The following CLIC5 variants were observed in gnomAD, a reference collection of about 807,000 sequenced individuals.
CLIC5 encodes chloride intracellular channel protein 5.
A neutral mutation model predicts 24.7 loss-of-function variants in CLIC5; 20 were observed. That is an observed-to-expected ratio of 0.81 (90% confidence interval 0.57 to 1.18). CLIC5 has a LOEUF of 1.18. CLIC5 is among the 50% of genes most tolerant of loss of function. The probability of loss-of-function intolerance (pLI) is 0.00; values close to 1 mark genes in which losing one functional copy is unlikely to be tolerated. For missense variants in CLIC5, 341 were observed against 326.1 expected (o/e 1.05, Z -0.35); for synonymous variants, 159 against 135.6 (o/e 1.17, Z -1.20).
intron 1 of CLIC5, among the ~76,000 whole-genome samples, chr6:46,078,399 A>G (rs1762828786): frequency 6.6e-6 from 1 of 152,094 alleles, no homozygotes. Flanking sequence ...ACAGTGTGAC[A>G]GTGATGATGT....
At chr6:46,051,061 C>A (rs1379793158) in intron 1 of CLIC5, among the ~76,000 whole-genome samples, 1 of 152,152 alleles carries the variant, frequency 6.6e-6, no homozygotes, top group East Asian at 1.9e-4. Flanking sequence ...CTGCCTTAGT[C>A]ATCAACAGTG....
At chr6:46,012,485 T>C (rs1186932900) in intron 1 of CLIC5, among the ~76,000 whole-genome samples, 3 of 152,352 alleles carry the variant, frequency 2.0e-5, no homozygotes, top group African/African-American at 7.2e-5. Flanking sequence ...TCGGAGTACA[T>C]AGCAGAAATG....
intron 4 of CLIC5, among the ~76,000 whole-genome samples, chr6:45,927,016 GCAA>G (rs999154481): frequency 6.6e-6 from 1 of 152,170 alleles, no homozygotes; most frequent in African/African-American, 2.4e-5. Flanking sequence ...AGGGGAGTCT[GCAA>G]CATGGGGACA....
chr6:46,059,295 C>T (rs770021329), intron 1 of CLIC5, among the ~76,000 whole-genome samples: 88 of 152,308 alleles, frequency 5.8e-4, no homozygotes, highest in Admixed American at 1.4e-3. Flanking sequence ...GGCCACATTG[C>T]ATACGGTTGT....
chr6:45,932,529 G>A (rs1763776867), intron 4 of CLIC5, among the ~76,000 whole-genome samples: 1 of 152,206 alleles, frequency 6.6e-6, no homozygotes, highest in Non-Finnish European at 1.5e-5. Flanking sequence ...AAAAGGGAGC[G>A]AAGGGAAGGA....
At chr6:46,129,276 C>T in the CLIC5 span, among the ~76,000 whole-genome samples, 1 of 152,204 alleles carries the variant, frequency 6.6e-6, no homozygotes, top group Non-Finnish European at 1.5e-5. Flanking sequence ...GCCAAGTGTG[C>T]CTGGACAACC....
intron 1 of CLIC5, among the ~76,000 whole-genome samples, chr6:46,005,781 T>G (rs1766530832): frequency 6.6e-6 from 1 of 151,718 alleles, no homozygotes; most frequent in Non-Finnish European, 1.5e-5. Context: ...GTTATCCTCC[T>G]CCACAATGTG....
At chr6:46,109,513 T>TAAAAA in the CLIC5 span, among the ~76,000 whole-genome samples, 14 of 47,180 alleles carry the variant, frequency 3.0e-4, 1 homozygote, top group African/African-American at 7.0e-4. Context: ...CAGTCTCCAC[T>TAAAAA]AAAAAAAAAA....
At chr6:46,056,616 A>G (rs1768262840) in intron 1 of CLIC5, among the ~76,000 whole-genome samples, 1 of 152,158 alleles carries the variant, frequency 6.6e-6, no homozygotes, top group African/African-American at 2.4e-5. Context: ...GAGAACTTAC[A>G]CTACAGAAAT....
rs114559175 is a variant in CLIC5 at position 46,049,730 on chromosome 6, A to G, written c.540+29973T>C. The stretch of plus-strand genomic sequence containing the variant: ...CAAAAACAGATATGTCATATAGACT[A>G]CAATTTTCACTTCTTTGCCATCAGC... On this transcript the variant is annotated intron_variant, in intron 1 of 5. Transcript: ENST00000185206. Among the ~76,000 whole-genome samples, 920 of 152,344 alleles carry G rather than the reference A, an allele frequency of 6.0e-3. 7 individuals are homozygous for G. Among genetic ancestry groups the G allele is most frequent in the South Asian group, 0.02 (95 of 4,828 alleles).
At chr6:45,967,574 C>T (rs1765057746) in intron 1 of CLIC5, among the ~76,000 whole-genome samples, 1 of 152,132 alleles carries the variant, frequency 6.6e-6, no homozygotes, top group African/African-American at 2.4e-5. Context: ...CTGGATTGAA[C>T]AATGCAGGTG....
rs150890872 is a variant in CLIC5, at chr6:46,056,840, C to T, written c.540+22863G>A. On this transcript the variant is annotated intron_variant, in intron 1 of 5. Transcript: ENST00000185206. ...TTGTTTCTCTTTTAAACTTCATACT[C>T]ATATGCCTTCCTGCCTACTGCACAA... Among the ~76,000 whole-genome samples, 496 of 152,300 alleles carry T rather than the reference C, an allele frequency of 3.3e-3. 2 individuals are homozygous for T. Among genetic ancestry groups the T allele is most frequent in the African/African-American group, 0.011 (472 of 41,554 alleles).
At chr6:45,923,117 G>C (rs1240552492) in intron 4 of CLIC5, among the ~76,000 whole-genome samples, 1 of 152,206 alleles carries the variant, frequency 6.6e-6, no homozygotes, top group Non-Finnish European at 1.5e-5. Context: ...CGTGCTAATA[G>C]AAAGTACGGC....
chr6:45,994,640 T>C (rs146206595), intron 1 of CLIC5, among the ~76,000 whole-genome samples: 10 of 152,186 alleles, frequency 6.6e-5, no homozygotes, highest in African/African-American at 2.4e-4. Context: ...AATAAAAAAT[T>C]GGGCATGTAT....
chr6:46,126,825 C>T, the CLIC5 span, among the ~76,000 whole-genome samples: 29 of 152,144 alleles, frequency 1.9e-4, no homozygotes, highest in African/African-American at 6.0e-4. Context: ...TGCTCTGAAA[C>T]CTTCTTCCTG....
At chr6:45,979,275 A>G (rs371622922) in intron 1 of CLIC5, among the ~76,000 whole-genome samples, 2 of 152,276 alleles carry the variant, frequency 1.3e-5, no homozygotes, top group East Asian at 3.9e-4. Flanking sequence ...AGTTCAGGGG[A>G]AGGGGCATTT....
chr6:46,066,014 AT>A (rs1401031450), intron 1 of CLIC5, among the ~76,000 whole-genome samples: 1 of 152,216 alleles, frequency 6.6e-6, no homozygotes, highest in Non-Finnish European at 1.5e-5. Context: ...AGAATTCCAA[AT>A]ATACGAACTT....
intron 1 of CLIC5, among the ~76,000 whole-genome samples, chr6:45,974,115 A>G (rs1314689960): frequency 3.9e-5 from 6 of 152,096 alleles, no homozygotes; most frequent in African/African-American, 1.2e-4. Flanking sequence ...TAAAAACAAA[A>G]TCTTGCATGT....
At chr6:45,925,079 A>C (rs1239312121) in intron 4 of CLIC5, among the ~76,000 whole-genome samples, 1 of 152,198 alleles carries the variant, frequency 6.6e-6, no homozygotes, top group Non-Finnish European at 1.5e-5. Context: ...ATTTGCCTGG[A>C]ACTCTCTACT....
Sources: gnomAD v4.1 joint callset for allele counts (sites outside exome capture counted in the v4.1 genomes callset) on GRCh38, gnomAD v4.1.1 for gene constraint, MANE v1.5 for transcripts, NCBI Gene and HGNC (gene_info 2026-07-23, HGNC 2026-07-21) for gene names.